Variants in PARD3 observed in about 807,000 individuals in gnomAD.
The protein encoded by PARD3 is par-3 family cell polarity regulator.
A neutral mutation model predicts 155.4 loss-of-function variants in PARD3; 75 were observed. The ratio of observed to expected loss-of-function variants is 0.48; its 90% CI spans 0.40 to 0.58. PARD3 has a LOEUF of 0.58. Among genes scored for constraint, PARD3 ranks in the 20% least tolerant of loss-of-function variants. PARD3 has a pLI of 0.00. For missense variants in PARD3, 1,642 were observed against 1,721.7 expected (o/e 0.95, Z 0.82); for synonymous variants, 576 against 610.5 (o/e 0.94, Z 0.83).
At chr10:34,318,541 C>T (rs1958160017) in intron 19 of PARD3, among the ~76,000 whole-genome samples, 1 of 152,152 alleles carries the variant, frequency 6.6e-6, no homozygotes, top group Admixed American at 6.5e-5. Flanking sequence ...AGTCCTTCCT[C>T]TCTACCAGCA....
intron 3 of PARD3, among the ~76,000 whole-genome samples, chr10:34,470,837 T>C (rs1050137713): frequency 6.6e-6 from 1 of 152,198 alleles, no homozygotes; most frequent in Non-Finnish European, 1.5e-5. Context: ...TAACAAATAA[T>C]TTATTGTATA....
chr10:34,409,332 T>C (rs1303661271), intron 5 of PARD3, among the ~76,000 whole-genome samples: 2 of 152,172 alleles, frequency 1.3e-5, no homozygotes, highest in East Asian at 1.9e-4. Flanking sequence ...AGTCTTCTCA[T>C]TGATTATTAG....
chr10:34,533,586 C>T (rs1178012040), intron 2 of PARD3, among the ~76,000 whole-genome samples: 1 of 152,060 alleles, frequency 6.6e-6, no homozygotes, highest in Admixed American at 6.6e-5. Flanking sequence ...GCAGGCAGAT[C>T]ACTTGAGCTC....
intron 3 of PARD3, among the ~76,000 whole-genome samples, chr10:34,506,616 C>T (rs956981885): frequency 6.6e-6 from 1 of 152,148 alleles, no homozygotes; most frequent in Non-Finnish European, 1.5e-5. Context: ...GTCAAGTCCA[C>T]AGATGAAATG....
At chr10:34,595,759 A>T (rs1429329334) in intron 2 of PARD3, among the ~76,000 whole-genome samples, 2 of 147,820 alleles carry the variant, frequency 1.4e-5, no homozygotes, top group African/African-American at 2.6e-5. Flanking sequence ...TATTTAGGTT[A>T]AAAAAAAACA....
At chr10:34,124,339 A>G (rs923227514) in intron 23 of PARD3, among the ~76,000 whole-genome samples, 4 of 152,198 alleles carry the variant, frequency 2.6e-5, no homozygotes, top group African/African-American at 7.2e-5. Context: ...AATTCACATG[A>G]GCTGTGACCC....
chr10:34,576,460 C>T (rs905971590), intron 2 of PARD3, among the ~76,000 whole-genome samples: 1 of 151,802 alleles, frequency 6.6e-6, no homozygotes, highest in African/African-American at 2.4e-5. Flanking sequence ...GCACTCTTTA[C>T]ATGTTAAGGC....
chr10:34,172,482 G>A (rs1049560649), intron 22 of PARD3, among the ~76,000 whole-genome samples: 9 of 152,196 alleles, frequency 5.9e-5, no homozygotes, highest in South Asian at 2.1e-4. Flanking sequence ...TATCTGAGAC[G>A]AGTGATTTCT....
At chr10:34,796,988 AAAAAT>A (rs1282469950) in intron 1 of PARD3, among the ~76,000 whole-genome samples, 3 of 152,236 alleles carry the variant, frequency 2.0e-5, no homozygotes, top group Non-Finnish European at 4.4e-5. Flanking sequence ...CCATCTCAAA[AAAAAT>A]AAAATAAATG....
chr10:34,479,125 T>C (rs1342494133), intron 3 of PARD3, among the ~76,000 whole-genome samples: 1 of 152,088 alleles, frequency 6.6e-6, no homozygotes, highest in South Asian at 2.1e-4. Flanking sequence ...TCATTTCTTA[T>C]ACCTGCATCA....
At chr10:34,499,397 A>C (rs11009807) in intron 3 of PARD3, among the ~76,000 whole-genome samples, 2 of 152,190 alleles carry the variant, frequency 1.3e-5, no homozygotes, top group South Asian at 4.1e-4. Context: ...TGCTCTGGAC[A>C]CTCAGCAAGC....
chr10:34,733,257 A>C (rs2094850509), intron 1 of PARD3, among the ~76,000 whole-genome samples: 1 of 152,204 alleles, frequency 6.6e-6, no homozygotes, highest in Admixed American at 6.5e-5. Flanking sequence ...TCATTTCCTG[A>C]TTACAAATGG....
chr10:34,518,234 G>C (rs765848136), intron 2 of PARD3, among the ~76,000 whole-genome samples: 2 of 152,166 alleles, frequency 1.3e-5, no homozygotes, highest in Non-Finnish European at 2.9e-5. Context: ...AAATGGGTAA[G>C]TATATCAATA....
intron 5 of PARD3, among the ~76,000 whole-genome samples, chr10:34,425,429 T>A (rs2075550333): frequency 6.6e-6 from 1 of 152,192 alleles, no homozygotes; most frequent in African/African-American, 2.4e-5. Flanking sequence ...TTCTTTTCTT[T>A]TTTGGAGATA....
chr10:34,345,146 C>T (rs1013381226), intron 15 of PARD3: 6 of 985,152 alleles, frequency 6.1e-6, no homozygotes, highest in Non-Finnish European at 7.2e-6. Flanking sequence ...AGGAAATAGC[C>T]AAAAACAAAG....
intron 3 of PARD3, among the ~76,000 whole-genome samples, chr10:34,496,475 G>A (rs1438231666): frequency 1.3e-5 from 2 of 152,214 alleles, no homozygotes; most frequent in African/African-American, 4.8e-5. Flanking sequence ...GTCCCCATCT[G>A]CTGATGGAAC....
chr10:34,701,100 T>C (rs2133534565), intron 1 of PARD3, among the ~76,000 whole-genome samples: 1 of 152,238 alleles, frequency 6.6e-6, no homozygotes. Context: ...CACTCTCACT[T>C]GGAAAGGTCT....
At position 34,719,101 on chromosome 10, in the gene PARD3, C is replaced by G. The variant is rs191315461; in HGVS notation, c.121-22682G>C. On this transcript the variant is annotated intron_variant, in intron 1 of 24. Coordinates refer to ENST00000374788, the MANE Select transcript of PARD3 (RefSeq NM_001184785.2). ...CCTTTCTCCCCACAATATACTGATA[C>G]GTTGAATTGAGCCAGGCACATGTAA... Among the ~76,000 whole-genome samples the G allele has an allele frequency of 2.0e-5, 3 of 152,162 alleles. No homozygotes were observed. The East Asian group carries it at 5.8e-4, about 29-fold the overall frequency.
rs147431441 is a variant in PARD3 at position 34,653,895 on chromosome 10, G to C, written c.222+42423C>G. On this transcript the variant is annotated intron_variant, in intron 2 of 24. Transcript: ENST00000374788. ...CAGCATGTCCACTGGCTTAGATTTT[G>C]CTCTTTTTGACTTAGATTACTTGGA... Among the ~76,000 whole-genome samples the C allele has an allele frequency of 7.3e-3, 1,107 of 151,988 alleles. 20 individuals are homozygous for C. Among genetic ancestry groups the C allele is most frequent in the Admixed American group, 0.034 (524 of 15,252 alleles).
Sources: allele counts gnomAD v4.1 joint callset (sites outside exome capture counted in the v4.1 genomes callset), GRCh38; gene constraint gnomAD v4.1.1; transcripts MANE v1.5; gene names NCBI Gene and HGNC (gene_info 2026-07-23, HGNC 2026-07-21).